Variants in STK32B observed in about 807,000 individuals in gnomAD.
STK32B encodes the protein serine/threonine-protein kinase 32B.
A neutral mutation model predicts 52.6 loss-of-function variants in STK32B; 43 were observed. That is an observed-to-expected ratio of 0.82 (90% CI 0.64 to 1.05). The LOEUF (loss-of-function observed/expected upper bound fraction) is 1.05, where lower values mean the gene tolerates loss of function less well. Ranked by LOEUF, STK32B falls within the 50% of genes least tolerant of loss-of-function variation. The pLI is 0.00. For missense variants in STK32B, 621 were observed against 534.6 expected, an observed-to-expected ratio of 1.16 and a Z score of -1.59; for synonymous variants, 238 against 204.3, an observed-to-expected ratio of 1.17 and a Z score of -1.41.
In STK32B at chr4:5,385,388, T is replaced by C. The variant is rs145303776; in HGVS notation, c.435-12819T>C. ...GAGTGGCTTCGAAGCCCCGTGCCCA[T>C]GTAAAGGGATAAAGGGCATGGTCCC... On this transcript the variant is annotated intron_variant, in intron 4 of 11. Coordinates refer to ENST00000282908, the MANE Select transcript of STK32B (RefSeq NM_018401.3). Among the ~76,000 whole-genome samples the C allele has an allele frequency of 6.8e-3, 1,010 of 148,748 alleles. 6 individuals carry two copies. Among genetic ancestry groups the C allele is most frequent in the Non-Finnish European group, 0.011 (765 of 67,430 alleles).
intron 4 of STK32B, among the ~76,000 whole-genome samples, chr4:5,374,735 A>G (rs1735468224): frequency 1.4e-5 from 2 of 139,078 alleles, no homozygotes; most frequent in South Asian, 4.8e-4. Flanking sequence ...CTCTTATACT[A>G]TTGCATTGAG....
chr4:5,354,183 T>A (rs1257833387), intron 4 of STK32B, among the ~76,000 whole-genome samples: 1 of 152,196 alleles, frequency 6.6e-6, no homozygotes, highest in Non-Finnish European at 1.5e-5. Context: ...GCTGAAAATA[T>A]TGATCCCATG....
chr4:5,208,800 C>A (rs1352317751), intron 3 of STK32B, among the ~76,000 whole-genome samples: 1 of 152,176 alleles, frequency 6.6e-6, no homozygotes, highest in Non-Finnish European at 1.5e-5. Context: ...TTGGGTAAAT[C>A]CATTCTGGCT....
At chr4:5,048,464 T>A (rs1044382733), upstream of STK32B, among the ~76,000 whole-genome samples, 2 of 152,126 alleles carry the variant, frequency 1.3e-5, no homozygotes, top group Non-Finnish European at 2.9e-5. Context: ...GCTTGGCTAA[T>A]ATTTGTATTT....
chr4:5,444,491 GCCCACTGTCTGGCACT>G (rs1715188203), intron 6 of STK32B, among the ~76,000 whole-genome samples: 1 of 152,146 alleles, frequency 6.6e-6, no homozygotes. Flanking sequence ...ACTGACCTGC[GCCCACTGTCTGGCACT>G]CCCTAGTGAG....
intron 1 of STK32B, among the ~76,000 whole-genome samples, chr4:5,118,865 A>C (rs942099277): frequency 2.6e-5 from 4 of 152,146 alleles, no homozygotes; most frequent in African/African-American, 9.7e-5. Flanking sequence ...CATTTGGCCA[A>C]GGGGCAGCAG....
intron 1 of STK32B, among the ~76,000 whole-genome samples, chr4:5,117,477 A>G (rs1385058618): frequency 6.6e-6 from 1 of 151,974 alleles, no homozygotes; most frequent in African/African-American, 2.4e-5. Context: ...TTTTCCTTGT[A>G]CTTGTAATTT....
chr4:5,479,097 GTTTT>G (rs146456663), intron 11 of STK32B, among the ~76,000 whole-genome samples: 1,574 of 147,000 alleles, frequency 0.011, 34 homozygotes, highest in African/African-American at 0.036. Context: ...TTTTTTGTTG[GTTTT>G]TGTTTGTTTG....
chr4:5,123,865 TCA>T (rs1560163518), intron 1 of STK32B, among the ~76,000 whole-genome samples: 17 of 35,124 alleles, frequency 4.8e-4, no homozygotes, highest in African/African-American at 9.6e-4. Flanking sequence ...ACCACCACCA[TCA>T]TCAATCTCCT....
chr4:5,354,974 A>C (rs1188715460), intron 4 of STK32B, among the ~76,000 whole-genome samples: 1 of 152,166 alleles, frequency 6.6e-6, no homozygotes, highest in Non-Finnish European at 1.5e-5. Context: ...CAAGAAATGC[A>C]GACACCTCTA....
intron 2 of STK32B, among the ~76,000 whole-genome samples, chr4:5,142,690 A>G (rs891337683): frequency 6.6e-6 from 1 of 152,226 alleles, no homozygotes; most frequent in Admixed American, 6.5e-5. Context: ...TAAAAATCAG[A>G]CATAAAAAAC....
Position 5,190,123 on chromosome 4 carries a change from A to T in STK32B, c.260+21673A>T, listed in dbSNP as rs78631714. Reference sequence around the variant, plus strand: ...AGAATAGAACACGTTAGTCCTCTAAACCCAAAAGAAATGCTTTTGCTAGCC... The same window carrying T: ...AGAATAGAACACGTTAGTCCTCTAATCCCAAAAGAAATGCTTTTGCTAGCC... On this transcript the variant is annotated intron_variant, in intron 3 of 11. Transcript: ENST00000282908. Among the ~76,000 whole-genome samples, 313 of 152,288 alleles carry T rather than the reference A, an allele frequency of 2.1e-3. 6 individuals carry two copies. The East Asian group carries it at 0.051, about 25-fold the overall frequency.
intron 6 of STK32B, among the ~76,000 whole-genome samples, chr4:5,417,180 G>A (rs1210323927): frequency 6.6e-6 from 1 of 152,176 alleles, no homozygotes; most frequent in African/African-American, 2.4e-5. Flanking sequence ...GAGAGCCATG[G>A]CTCAGGCTTG....
chr4:5,204,191 G>A (rs1722378688), intron 3 of STK32B: 1 of 152,200 alleles, frequency 6.6e-6, no homozygotes, highest in African/African-American at 2.4e-5. Context: ...AGAATCGTGG[G>A]TAGAATTGTA....
intron 3 of STK32B, among the ~76,000 whole-genome samples, chr4:5,330,256 A>G (rs955145512): frequency 6.6e-6 from 1 of 152,190 alleles, no homozygotes; most frequent in Non-Finnish European, 1.5e-5. Context: ...TTAATATTAC[A>G]TGATTCAATT....
intron 1 of STK32B, among the ~76,000 whole-genome samples, chr4:5,057,144 C>A: frequency 6.6e-6 from 1 of 152,206 alleles, no homozygotes; most frequent in East Asian, 1.9e-4. Flanking sequence ...TGAAAACAAT[C>A]ACTTATTGGG....
chr4:5,249,816 T>TA (rs1194635757), intron 3 of STK32B, among the ~76,000 whole-genome samples: 1 of 152,138 alleles, frequency 6.6e-6, no homozygotes, highest in Non-Finnish European at 1.5e-5. Context: ...GTTATATAGG[T>TA]AAATTGCATG....
chr4:5,185,024 G>T (rs1387994742), intron 3 of STK32B, among the ~76,000 whole-genome samples: 1 of 152,236 alleles, frequency 6.6e-6, no homozygotes, highest in Non-Finnish European at 1.5e-5. Context: ...GTGACTACGT[G>T]TTCTCTCCTT....
intron 4 of STK32B, among the ~76,000 whole-genome samples, chr4:5,334,280 T>C (rs1732476339): frequency 6.6e-6 from 1 of 152,046 alleles, no homozygotes; most frequent in Non-Finnish European, 1.5e-5. Context: ...TCTCTGTTTG[T>C]CTGTTATTGG....
Sources: gnomAD v4.1 joint callset for allele counts (sites outside exome capture counted in the v4.1 genomes callset) on GRCh38, gnomAD v4.1.1 for gene constraint, MANE v1.5 for transcripts, NCBI Gene and HGNC (gene_info 2026-07-23, HGNC 2026-07-21) for gene names.